PARP4: variants seen among roughly 807,000 people sequenced by gnomAD.
PARP4 encodes the protein protein mono-ADP-ribosyltransferase PARP4.
PARP4 carries 120 observed loss-of-function variants against 187.7 expected under a neutral mutation model. The observed-to-expected ratio is 0.64, with a 90% confidence interval of 0.55 to 0.74. PARP4 has a LOEUF of 0.74. PARP4 is among the 30% of genes least tolerant of loss of function. The pLI, the probability that PARP4 is intolerant of heterozygous loss-of-function variation, is 0.00. For synonymous variants in PARP4, 654 were observed against 740.9 expected (o/e 0.88, Z 1.90); for missense variants, 1,836 against 2,070.5 (o/e 0.89, Z 2.20).
In PARP4 at chr13:24,442,614, T is replaced by G; in HGVS notation, c.3519A>C (p.Thr1173=). Residue 1173 remains threonine (T), a synonymous_variant, in exon 29 of 34, where the codon ACA becomes ACC. Transcript: ENST00000381989. ...SKENSLITQF[T]SFVAVEKRDE... ...CCCTTTTCTCAACTGCCACAAAGCT[T>G]GTAAATTGTGTTATGAGAGAGTTTT... The G allele has an allele frequency of 6.3e-7, 1 of 1,593,046 alleles. No homozygotes were observed. The highest frequency in any genetic ancestry group is 1.7e-5 in the Admixed American group (1 of 59,976).
chr13:24,507,117 G>A (rs1869749242), intron 1 of PARP4, among the ~76,000 whole-genome samples: 1 of 152,320 alleles, frequency 6.6e-6, no homozygotes, highest in Admixed American at 6.5e-5. Flanking sequence ...GGACCGCCCA[G>A]CCCACGCCCA....
chr13:24,438,056 C>T (rs969456303), intron 30 of PARP4, among the ~76,000 whole-genome samples: 2 of 152,068 alleles, frequency 1.3e-5, no homozygotes, highest in African/African-American at 4.8e-5. Flanking sequence ...CCGTGCCTGG[C>T]CTCATTATGA....
intron 23 of PARP4, among the ~76,000 whole-genome samples, chr13:24,452,872 G>A (rs1473243957): frequency 6.6e-6 from 1 of 152,130 alleles, no homozygotes; most frequent in Admixed American, 6.5e-5. Context: ...CCCTGGATTT[G>A]CCAGCCTGGC....
At chr13:24,452,244 T>G (rs1871557836) in intron 24 of PARP4, 162 bp downstream of exon 24, 1 of 599,162 alleles carries the variant, frequency 1.7e-6, no homozygotes, top group Non-Finnish European at 2.9e-6. Context: ...ACCCAGGTTC[T>G]GAGACTCAGG....
At chr13:24,449,406 A>G (rs1871389551) in intron 25 of PARP4, among the ~76,000 whole-genome samples, 1 of 151,096 alleles carries the variant, frequency 6.6e-6, no homozygotes, top group Non-Finnish European at 1.5e-5. Flanking sequence ...AAAAAAAAAA[A>G]AAATTAAAAT....
chr13:24,469,990 G>C lies in PARP4; in HGVS notation c.1950C>G (p.His650Gln), dbSNP rs199949624. The change falls in exon 16 of 34, where the codon CAC becomes CAG. Residue 650 changes from histidine to glutamine, a missense_variant. His to Gln is a conservative substitution (Grantham distance 24). Coordinates refer to ENST00000381989, the MANE Select transcript of PARP4 (RefSeq NM_006437.4). Reference protein sequence around the residue: ...IVFQTYTNKSHVPIEAKYIFP... With the variant: ...IVFQTYTNKSQVPIEAKYIFP... ...AGATATATTTTGCCTCAATGGGCAC[G>C]TGACTTTTATTTGTGTATGTCTGAA... 2 of 1,613,390 alleles carry C rather than the reference G, an allele frequency of 1.2e-6. No individual in the cohort carries two copies. Among genetic ancestry groups the C allele is most frequent in the Admixed American group, 3.3e-5 (2 of 59,966 alleles).
intron 30 of PARP4, among the ~76,000 whole-genome samples, chr13:24,436,983 C>A (rs974144410): frequency 1.7e-4 from 26 of 152,050 alleles, no homozygotes; most frequent in African/African-American, 6.0e-4. Context: ...CTGGAAAAAA[C>A]CAATCAATAG....
intron 25 of PARP4, among the ~76,000 whole-genome samples, chr13:24,448,904 T>C (rs1333722383): frequency 1.3e-5 from 2 of 152,232 alleles, no homozygotes; most frequent in Non-Finnish European, 2.9e-5. Flanking sequence ...TTATATGAGA[T>C]ACTCAGAAAA....
rs1869057087 is a variant in PARP4, at chr13:24,498,136, G to A, written c.571C>T (p.Leu191Phe). The A allele has an allele frequency of 6.2e-7, 1 of 1,612,116 alleles. No individual in the cohort carries two copies. The highest frequency in any genetic ancestry group is 8.5e-7 in the Non-Finnish European group (1 of 1,178,202). The change falls in exon 6 of 34, where the codon CTC becomes TTC. Residue 191 changes from leucine to phenylalanine, a missense_variant. By Grantham distance (22) the Leu-to-Phe change is conservative. Transcript: ENST00000381989. ...DCPFLISSHFLLDDGMETRRQ... is the reference protein window; with the variant it reads ...DCPFLISSHFFLDDGMETRRQ... ...ATTACCTCCATGCCATCATCCAGGA[G>A]GAAGTGTGAGGATATCAGGAAAGGA...
At chr13:24,494,814 G>C in intron 6 of PARP4, 92 bp from the exon 7 acceptor site, 1 of 763,442 alleles carries the variant, frequency 1.3e-6, no homozygotes, top group Non-Finnish European at 2.1e-6. Context: ...TTGACATGAA[G>C]AAGCTTAGAA....
intron 33 of PARP4, among the ~76,000 whole-genome samples, chr13:24,422,970 T>C (rs780435042): frequency 6.6e-6 from 1 of 152,182 alleles, no homozygotes; most frequent in Non-Finnish European, 1.5e-5. Context: ...GTAGCAGTAA[T>C]GGAGTAAGAG....
chr13:24,463,264 G>A (rs1872297233), intron 17 of PARP4, among the ~76,000 whole-genome samples: 1 of 152,046 alleles, frequency 6.6e-6, no homozygotes, highest in African/African-American at 2.4e-5. Flanking sequence ...CAAATAAACT[G>A]TCACCTAGAA....
chr13:24,508,179 A>G (rs73154398), intron 1 of PARP4, among the ~76,000 whole-genome samples: 3 of 131,916 alleles, frequency 2.3e-5, no homozygotes, highest in Non-Finnish European at 5.3e-5. Flanking sequence ...ATTAAAAACA[A>G]CACACAAAAA....
intron 17 of PARP4, among the ~76,000 whole-genome samples, chr13:24,464,212 C>T (rs181150077): frequency 8.5e-5 from 13 of 152,138 alleles, no homozygotes; most frequent in Non-Finnish European, 1.6e-4. Context: ...CGTGAAAATG[C>T]CCATACTGCC....
chr13:24,429,365 G>A (rs1274364628), intron 32 of PARP4, among the ~76,000 whole-genome samples: 1 of 152,148 alleles, frequency 6.6e-6, no homozygotes, highest in Admixed American at 6.5e-5. Context: ...ATATTGTCCT[G>A]CTTCTTCGTA....
chr13:24,430,623 CA>C (rs1362181935), intron 32 of PARP4, among the ~76,000 whole-genome samples: 2 of 152,040 alleles, frequency 1.3e-5, no homozygotes, highest in East Asian at 3.9e-4. Flanking sequence ...CACTGCACTC[CA>C]GCCTGGGCAA....
At chr13:24,462,924 T>C (rs1458226774) in intron 17 of PARP4, among the ~76,000 whole-genome samples, 1 of 152,166 alleles carries the variant, frequency 6.6e-6, no homozygotes, top group Non-Finnish European at 1.5e-5. Context: ...CTAATGTATA[T>C]GTATTGAAGT....
At chr13:24,433,334 C>G (rs1870445546) in intron 31 of PARP4, among the ~76,000 whole-genome samples, 2 of 152,216 alleles carry the variant, frequency 1.3e-5, no homozygotes, top group Non-Finnish European at 2.9e-5. Context: ...TTCGCAGCCT[C>G]CACCATAGTG....
In PARP4 at chr13:24,435,178, C is replaced by A. The variant is rs370744509; in HGVS notation, c.3963G>T (p.Pro1321=). The change falls in exon 31 of 34, where the codon CCG becomes CCT. Residue 1321 remains proline, a synonymous_variant. Coordinates refer to ENST00000381989, the MANE Select transcript of PARP4 (RefSeq NM_006437.4). ...STSSFFPILA[P]AVGSYLPPTA... ...TCGGGGGAAGATAGGAACCAACGGCCGGAGCCAAAATAGGAAAAAAGCTAG... is the reference window on the plus strand; with the variant it reads ...TCGGGGGAAGATAGGAACCAACGGCAGGAGCCAAAATAGGAAAAAAGCTAG... The A allele has an allele frequency of 1.9e-6, 3 of 1,613,990 alleles. No homozygotes were observed. The highest frequency in any genetic ancestry group is 2.5e-6 in the Non-Finnish European group (3 of 1,180,012).
Sources: gnomAD v4.1 joint callset for allele counts (sites outside exome capture counted in the v4.1 genomes callset) on GRCh38, gnomAD v4.1.1 for gene constraint, MANE v1.5 for transcripts, NCBI Gene and HGNC (gene_info 2026-07-23, HGNC 2026-07-21) for gene names.